The following FBXW10B variants were observed in gnomAD, a reference collection of about 807,000 sequenced individuals.
The protein encoded by FBXW10B is F-box and WD repeat domain containing protein 10B.
the FBXW10B span, among the ~76,000 whole-genome samples, chr17:15,577,743 T>C: frequency 6.6e-6 from 1 of 152,122 alleles, no homozygotes; most frequent in Non-Finnish European, 1.5e-5. Flanking sequence ...GTTAGATGAG[T>C]GGAAGTCATA....
chr17:15,598,795 T>C, the FBXW10B span: 1 of 1,177,932 alleles, frequency 8.5e-7, no homozygotes, highest in Non-Finnish European at 1.2e-6. Flanking sequence ...TGGATTTGAA[T>C]CCCAGCTGCA....
At chr17:15,576,336 T>G in the FBXW10B span, among the ~76,000 whole-genome samples, 2 of 152,256 alleles carry the variant, frequency 1.3e-5, no homozygotes, top group Admixed American at 1.3e-4. Flanking sequence ...GTACAAGCAC[T>G]GTCAGTTTTG....
the FBXW10B span, among the ~76,000 whole-genome samples, chr17:15,601,301 C>T: frequency 2.1e-4 from 30 of 145,360 alleles, no homozygotes; most frequent in Non-Finnish European, 3.3e-4. Flanking sequence ...CCCAGCTACT[C>T]GGGAGGCTGA....
the FBXW10B span, among the ~76,000 whole-genome samples, chr17:15,594,349 G>A: frequency 2.0e-5 from 3 of 151,466 alleles, no homozygotes; most frequent in Non-Finnish European, 4.4e-5. Context: ...GTGGGCGCCT[G>A]TAGTCCCAGC....
chr17:15,616,293 G>T, the FBXW10B span, among the ~76,000 whole-genome samples: 2 of 151,864 alleles, frequency 1.3e-5, no homozygotes, highest in African/African-American at 4.8e-5. Context: ...TCCTGCCTCA[G>T]CCTCCCAAGT....
chr17:15,567,159 C>T, the FBXW10B span, among the ~76,000 whole-genome samples: 4 of 151,528 alleles, frequency 2.6e-5, no homozygotes, highest in Admixed American at 2.6e-4. Context: ...GTAATCCTAG[C>T]TACTCAGGAG....
the FBXW10B span, among the ~76,000 whole-genome samples, chr17:15,618,305 G>A: frequency 2.0e-5 from 3 of 152,016 alleles, no homozygotes; most frequent in African/African-American, 7.3e-5. Context: ...TCCAGCCTGG[G>A]TGACAGCGAG....
At chr17:15,569,543 C>T in the FBXW10B span, among the ~76,000 whole-genome samples, 1 of 143,322 alleles carries the variant, frequency 7.0e-6, no homozygotes, top group Non-Finnish European at 1.5e-5. Flanking sequence ...CTCACTGCAC[C>T]CTTAACCTCC....
the FBXW10B span, among the ~76,000 whole-genome samples, chr17:15,610,634 T>C: frequency 6.6e-6 from 1 of 152,204 alleles, no homozygotes; most frequent in African/African-American, 2.4e-5. Context: ...TGCTTGTAGT[T>C]AGAAGAGATT....
chr17:15,588,945 G>A, the FBXW10B span: 1 of 1,613,712 alleles, frequency 6.2e-7, no homozygotes, highest in East Asian at 2.2e-5. Context: ...GAGCCCTGGG[G>A]CTCTTCAACA....
At chr17:15,604,076 T>C in the FBXW10B span, among the ~76,000 whole-genome samples, 1 of 130,118 alleles carries the variant, frequency 7.7e-6, no homozygotes, top group Non-Finnish European at 1.5e-5. Flanking sequence ...TGAGACTCTA[T>C]CTCAAAAAAA....
the FBXW10B span, among the ~76,000 whole-genome samples, chr17:15,587,140 C>G: frequency 0.011 from 1,682 of 151,458 alleles, 34 homozygotes; most frequent in Middle Eastern, 0.048. Context: ...GTAAGCCTTT[C>G]CCAGCAGGAG....
chr17:15,607,570 C>T, the FBXW10B span: 3 of 1,611,634 alleles, frequency 1.9e-6, no homozygotes, highest in Admixed American at 3.3e-5. Flanking sequence ...ACCCCAGTAC[C>T]TACGTGTCAG....
the FBXW10B span, among the ~76,000 whole-genome samples, chr17:15,616,494 A>T: frequency 9.2e-5 from 14 of 151,726 alleles, no homozygotes; most frequent in Admixed American, 2.6e-4. Context: ...TTTAAGAGAG[A>T]GTCTGCTCTA....
the FBXW10B span, chr17:15,612,801 T>C: frequency 6.2e-7 from 1 of 1,613,496 alleles, no homozygotes. Flanking sequence ...ATAATTAGGA[T>C]CAATTCCTCT....
At chr17:15,600,577 CA>C in the FBXW10B span, among the ~76,000 whole-genome samples, 1 of 150,258 alleles carries the variant, frequency 6.7e-6, no homozygotes. Context: ...AGGTATAAGC[CA>C]AAGTCATAAC....
the FBXW10B span, among the ~76,000 whole-genome samples, chr17:15,566,844 G>T: frequency 2.0e-5 from 3 of 151,648 alleles, no homozygotes; most frequent in Non-Finnish European, 2.9e-5. Flanking sequence ...GATTACAGGC[G>T]TGAGCCACCA....
the FBXW10B span, among the ~76,000 whole-genome samples, chr17:15,586,276 T>C: frequency 2.0e-5 from 3 of 151,812 alleles, no homozygotes; most frequent in Non-Finnish European, 4.4e-5. Flanking sequence ...AAACAAGTTA[T>C]CCATTTGTAA....
At chr17:15,618,836 T>C in the FBXW10B span, 4 of 985,146 alleles carry the variant, frequency 4.1e-6, no homozygotes, top group Non-Finnish European at 4.8e-6. Context: ...ATTTCTCCTT[T>C]GGTAAACAGG....
Sources: gnomAD v4.1 joint callset for allele counts (sites outside exome capture counted in the v4.1 genomes callset) on GRCh38, gnomAD v4.1.1 for gene constraint, MANE v1.5 for transcripts, NCBI Gene and HGNC (gene_info 2026-07-23, HGNC 2026-07-21) for gene names.